NMI: variants seen among roughly 807,000 people sequenced by gnomAD.
NMI encodes the protein N-myc and STAT interactor.
A neutral mutation model predicts 34.3 loss-of-function variants in NMI; 39 were observed. That is an observed-to-expected ratio of 1.14 (90% CI 0.88 to 1.49). The LOEUF (loss-of-function observed/expected upper bound fraction) is 1.49. NMI is among the 40% of genes most tolerant of loss of function. The pLI is 0.00. For missense variants in NMI, 339 were observed against 358.1 expected (o/e 0.95, Z 0.43); for synonymous variants, 113 against 120.3 (o/e 0.94, Z 0.40).
At chr2:151,282,707 T>C in intron 2 of NMI, 161 bp downstream of exon 2, 1 of 431,984 alleles carries the variant, frequency 2.3e-6, no homozygotes, top group South Asian at 4.8e-5. Flanking sequence ...TGACACTTCT[T>C]GTAAGGCTTA....
intron 4 of NMI, 102 bp from the exon 5 acceptor site, chr2:151,275,966 T>A: frequency 1.2e-6 from 1 of 803,630 alleles, no homozygotes; most frequent in Non-Finnish European, 1.9e-6. Flanking sequence ...TAATTTTCTT[T>A]AATATTAAAG....
chr2:151,288,596 C>G (rs1683552919), intron 1 of NMI, among the ~76,000 whole-genome samples: 1 of 151,920 alleles, frequency 6.6e-6, no homozygotes, highest in South Asian at 2.1e-4. Flanking sequence ...TGCGCGCGCG[C>G]GCGCGTTCCT....
chr2:151,280,195 C>CAAAAAAAAAAAA lies in NMI; in HGVS notation c.178-1206_178-1205insTTTTTTTTTTTT, dbSNP rs10645520. ...GGGCAACAAGAACAAAACTCTGTTT[C>CAAAAAAAAAAAA]AAAAAAAAAAATTGTAACCTGAAAG... is the stretch of plus-strand genomic sequence containing the variant. On this transcript the variant is annotated intron_variant, in intron 3 of 7. Coordinates refer to ENST00000243346, the MANE Select transcript of NMI (RefSeq NM_004688.3). Among the ~76,000 whole-genome samples, 92 of 136,384 alleles carry CAAAAAAAAAAAA rather than the reference C, an allele frequency of 6.7e-4. 3 individuals carry two copies. The highest frequency in any genetic ancestry group is 2.2e-3 in the African/African-American group (79 of 35,874). The allele number at this position is 136,384 out of a possible 152,430, so 89.5% of individuals were successfully genotyped here. A position where few individuals can be genotyped will look rare whatever the true frequency, so the allele number is the denominator to read the frequency against.
At position 151,270,814 on chromosome 2, in the gene NMI, T is replaced by G; in HGVS notation, c.803A>C (p.Asp268Ala). 6.2e-7 allele frequency: 1 copy of G among 1,613,934 alleles called. No homozygotes were observed. The highest frequency in any genetic ancestry group is 1.3e-5 in the African/African-American group (1 of 75,054). The change falls in exon 8 of 8, where the codon GAT becomes GCT. Residue 268 changes from aspartate to alanine, a missense_variant. Physicochemically the swap from Asp to Ala is moderately radical, Grantham distance 126. Coordinates refer to ENST00000243346, the MANE Select transcript of NMI (RefSeq NM_004688.3). The stretch of plus-strand genomic sequence containing the variant: ...AATTAAATCCTCCACAATTTCTTCA[T>G]CCATTTGAATGCCTTCCATTCCTGT... ...LLTGMEGIQM[D>A]EEIVEDLINI... is the part of the protein sequence containing the mutation.
At chr2:151,271,227 AT>A in intron 7 of NMI, among the ~76,000 whole-genome samples, 1 of 152,308 alleles carries the variant, frequency 6.6e-6, no homozygotes, top group East Asian at 1.9e-4. Flanking sequence ...GAGTAGGTAG[AT>A]GGTGGTACCA....
chr2:151,275,101 G>T (rs1039587906), intron 6 of NMI, among the ~76,000 whole-genome samples: 1 of 152,006 alleles, frequency 6.6e-6, no homozygotes, highest in Non-Finnish European at 1.5e-5. Context: ...CCCTGCCTCA[G>T]CCTCCCAAGT....
At chr2:151,273,351 T>G (rs1335288825) in intron 6 of NMI, among the ~76,000 whole-genome samples, 3 of 152,176 alleles carry the variant, frequency 2.0e-5, no homozygotes, top group Non-Finnish European at 4.4e-5. Flanking sequence ...TTCACATCCT[T>G]CAGTAGTTAC....
Position 151,282,917 on chromosome 2 carries a change from A to C in NMI, c.32T>G (p.Ile11Ser). Residue 11 changes from isoleucine to serine, a missense_variant, in exon 2 of 8, where the codon ATT becomes AGT. Coordinates refer to ENST00000243346, the MANE Select transcript of NMI (RefSeq NM_004688.3). The part of the protein sequence containing the change: MEADKDDTQQ[I>S]LKEHSPDEFI... ...TTCATCTGGCGAATGCTCCTTAAGA[A>C]TTTGTTGTGTGTCATCTTTATCAGC... 6.5e-7 allele frequency: 1 copy of C among 1,534,950 alleles called. No homozygotes were observed. The highest frequency in any genetic ancestry group is 8.8e-7 in the Non-Finnish European group (1 of 1,137,078).
chr2:151,273,454 G>A (rs186814784), intron 6 of NMI, among the ~76,000 whole-genome samples: 2 of 152,184 alleles, frequency 1.3e-5, no homozygotes, highest in Non-Finnish European at 2.9e-5. Flanking sequence ...AAGGACACAG[G>A]TTCCAAAGCT....
intron 3 of NMI, among the ~76,000 whole-genome samples, chr2:151,279,388 G>T (rs1311682713): frequency 6.6e-6 from 1 of 152,166 alleles, no homozygotes; most frequent in Non-Finnish European, 1.5e-5. Context: ...TTGCTGCAAA[G>T]TATGAAATAT....
At chr2:151,276,063 G>C (rs1456383609) in intron 4 of NMI, among the ~76,000 whole-genome samples, 199 bp from the exon 5 acceptor site, 1 of 152,014 alleles carries the variant, frequency 6.6e-6, no homozygotes, top group East Asian at 1.9e-4. Flanking sequence ...GGGGGGTCAG[G>C]GGGAAGGAGG....
chr2:151,285,512 C>T lies in NMI; in HGVS notation c.-6-2558G>A, dbSNP rs374974882. Among the ~76,000 whole-genome samples the T allele has an allele frequency of 1.9e-4, 28 of 149,462 alleles. No homozygotes were observed. The South Asian group carries it at 3.6e-3, about 19-fold the overall frequency. ...CTGAGGCAGGAGAATCGCTTGAAGC[C>T]GGGAGGCAGAGGTTGCAGTGAGTCA... On this transcript the variant is annotated intron_variant, in intron 1 of 7. Transcript: ENST00000243346.
chr2:151,288,642 T>C (rs767067424), intron 1 of NMI, among the ~76,000 whole-genome samples: 1 of 152,156 alleles, frequency 6.6e-6, no homozygotes, highest in Non-Finnish European at 1.5e-5. Flanking sequence ...TAATTTGTTA[T>C]GGCAGCGAAT....
rs116094592 is a variant in NMI at position 151,273,466 on chromosome 2, G to C, written c.635-1734C>G. On this transcript the variant is annotated intron_variant, in intron 6 of 7. Transcript: ENST00000243346. ...CCCAAGGACACAGGTTCCAAAGCTA[G>C]TATTATCTCTCACAGTAGAGTTATA... Among the ~76,000 whole-genome samples the C allele has an allele frequency of 2.0e-3, 301 of 152,286 alleles. 2 individuals carry two copies. Among genetic ancestry groups the C allele is most frequent in the African/African-American group, 6.9e-3 (288 of 41,560 alleles).
At chr2:151,281,711 T>C (rs6747930) in intron 3 of NMI, among the ~76,000 whole-genome samples, 24,357 of 152,212 alleles carry the variant, frequency 0.16, 2,424 homozygotes, top group African/African-American at 0.27. Context: ...CTGCATGTCA[T>C]TATGATCTGT....
At position 151,289,659 on chromosome 2, in the gene NMI, C is replaced by CCTT. The variant is rs1412216594; in HGVS notation, c.-74_-73insAAG. On this transcript the variant is annotated 5_prime_UTR_variant, in exon 1 of 8. Transcript: ENST00000243346. Reference sequence around the variant, plus strand: ...GCCTGCCCTTCCCGGAAAACAGCAGCGCCTGAAACGCCGGAACCCCGGGAG... The same window carrying CCTT: ...GCCTGCCCTTCCCGGAAAACAGCAGCCTTGCCTGAAACGCCGGAACCCCGGGAG... 2.6e-5 allele frequency: 4 copies of CCTT among 152,222 alleles called. No individual in the cohort carries two copies. Among genetic ancestry groups the CCTT allele is most frequent in the Admixed American group, 2.6e-4 (4 of 15,284 alleles). The allele number at this position is 152,222 out of a possible 1,614,324, so 9.4% of individuals were successfully genotyped here. A position where few individuals can be genotyped will look rare whatever the true frequency, so the allele number is the denominator to read the frequency against.
At chr2:151,271,479 T>G in intron 7 of NMI, 147 bp downstream of exon 7, 1 of 641,162 alleles carries the variant, frequency 1.6e-6, no homozygotes, top group South Asian at 1.8e-5. Flanking sequence ...CAAACTCATT[T>G]TGCACCAAGC....
At chr2:151,283,907 T>C (rs1683449886) in intron 1 of NMI, among the ~76,000 whole-genome samples, 1 of 152,262 alleles carries the variant, frequency 6.6e-6, no homozygotes, top group African/African-American at 2.4e-5. Context: ...TTTCATAGAA[T>C]ATTGTTGCAG....
intron 6 of NMI, among the ~76,000 whole-genome samples, chr2:151,272,020 T>C (rs1683197239): frequency 1.3e-5 from 2 of 152,234 alleles, no homozygotes; most frequent in South Asian, 4.1e-4. Flanking sequence ...CTTTGAGCTA[T>C]AAAAAATACC....
Sources: gnomAD v4.1 joint callset for allele counts (sites outside exome capture counted in the v4.1 genomes callset) on GRCh38, gnomAD v4.1.1 for gene constraint, MANE v1.5 for transcripts, NCBI Gene and HGNC (gene_info 2026-07-23, HGNC 2026-07-21) for gene names.